Variants in CSMD1 observed in about 807,000 individuals in gnomAD.
CSMD1 encodes CUB and sushi domain-containing protein 1.
In CSMD1, 213 loss-of-function variants were observed where a neutral mutation model predicts 417.5. The ratio of observed to expected loss-of-function variants is 0.51; its 90% CI spans 0.46 to 0.57. The LOEUF (loss-of-function observed/expected upper bound fraction) is 0.57. Ranked by LOEUF, CSMD1 falls within the 20% of genes least tolerant of loss-of-function variation. The pLI, the probability that CSMD1 is intolerant of heterozygous loss-of-function variation, is 0.00. For missense variants in CSMD1, 6,923 were observed against 4,529.7 expected, an observed-to-expected ratio of 1.53 and a Z score of -15.17; for synonymous variants, 2,862 against 1,736.8, an observed-to-expected ratio of 1.65 and a Z score of -16.11.
In CSMD1 at chr8:2,963,354, C is replaced by A. The variant is rs1199115898; in HGVS notation, c.9322G>T (p.Val3108Leu). The change falls in exon 60 of 70, where the codon GTG (valine) becomes TTG (leucine). Residue 3108 changes from valine to leucine, a missense_variant. By Grantham distance (32) the Val-to-Leu change is conservative. Coordinates refer to ENST00000635120, the MANE Select transcript of CSMD1 (RefSeq NM_033225.6). ...CCCCAGCGGAAATCACTTCCCTCCA[C>A]TGTTCCATTCTGCACCGGCGGCGGC... is the stretch of plus-strand genomic sequence containing the variant. ...PQPPPVQNGT[V>L]EGSDFRWGSS... 3 of 1,613,866 alleles carry A rather than the reference C, an allele frequency of 1.9e-6. No individual in the cohort carries two copies. The East Asian group carries it at 6.7e-5, about 36-fold the overall frequency.
chr8:3,981,796 G>C (rs763705642), intron 5 of CSMD1, among the ~76,000 whole-genome samples: 1 of 152,166 alleles, frequency 6.6e-6, no homozygotes, highest in Non-Finnish European at 1.5e-5. Flanking sequence ...CAAGAGAAGA[G>C]GCAGTTAGCA....
chr8:3,308,253 T>C, intron 24 of CSMD1, 59 bp downstream of exon 24: 1 of 1,328,260 alleles, frequency 7.5e-7, no homozygotes, highest in Non-Finnish European at 1.0e-6. Context: ...CAATGCAACA[T>C]GGTGCAAGCA....
intron 1 of CSMD1, among the ~76,000 whole-genome samples, chr8:4,846,135 T>G (rs929980693): frequency 6.6e-6 from 1 of 152,188 alleles, no homozygotes; most frequent in Non-Finnish European, 1.5e-5. Flanking sequence ...CTCATCTCTT[T>G]CTCCTGTCCT....
chr8:3,830,423 A>G (rs1310364190), intron 5 of CSMD1, among the ~76,000 whole-genome samples: 1 of 152,288 alleles, frequency 6.6e-6, no homozygotes, highest in South Asian at 2.1e-4. Context: ...CCCAGGTTCT[A>G]ATTATACGTT....
chr8:3,995,798 T>G (rs562473691), intron 5 of CSMD1, among the ~76,000 whole-genome samples: 1 of 152,202 alleles, frequency 6.6e-6, no homozygotes, highest in Non-Finnish European at 1.5e-5. Context: ...CGGCTAATCA[T>G]GGCTATTTGA....
At position 4,155,653 on chromosome 8, in the gene CSMD1, C is replaced by G. The variant is rs575495133; in HGVS notation, c.416-123554G>C. On this transcript the variant is annotated intron_variant, in intron 3 of 69. Coordinates refer to ENST00000635120, the MANE Select transcript of CSMD1 (RefSeq NM_033225.6). The stretch of plus-strand genomic sequence containing the variant: ...CTTGGTTAGCTGATGACATAATACA[C>G]ATTCAAAGAAACGTGACAGATTTTA... Among the ~76,000 whole-genome samples, 8 of 152,266 alleles carry G rather than the reference C, an allele frequency of 5.3e-5. No homozygotes were observed. In the East Asian group the frequency reaches 9.7e-4, roughly 18 times the overall value.
intron 10 of CSMD1, among the ~76,000 whole-genome samples, chr8:3,531,656 C>G (rs1224235009): frequency 6.6e-6 from 1 of 152,144 alleles, no homozygotes; most frequent in African/African-American, 2.4e-5. Context: ...GGAAGTAGAA[C>G]AAAAACTATT....
intron 1 of CSMD1, among the ~76,000 whole-genome samples, chr8:4,983,102 G>C (rs73497783): frequency 0.018 from 2,718 of 152,226 alleles, 67 homozygotes; most frequent in African/African-American, 0.062. Context: ...AGTATACAAA[G>C]AAAAACAGTC....
chr8:3,782,754 T>G (rs982004074), intron 5 of CSMD1, among the ~76,000 whole-genome samples: 4 of 152,182 alleles, frequency 2.6e-5, no homozygotes, highest in Admixed American at 2.6e-4. Flanking sequence ...ATAAGAACAG[T>G]ATGAATAGAG....
At position 3,729,312 on chromosome 8, in the gene CSMD1, G is replaced by A. The variant is rs566806267; in HGVS notation, c.932-20821C>T. On this transcript the variant is annotated intron_variant, in intron 6 of 69. Coordinates refer to ENST00000635120, the MANE Select transcript of CSMD1 (RefSeq NM_033225.6). ...ACAGGGCTCGTGCAGGGCAGATGCT[G>A]TCTGAGGGTGGGCTTCGGAGTGAGA... Among the ~76,000 whole-genome samples, 16 of 152,300 alleles carry A rather than the reference G, an allele frequency of 1.1e-4. No individual in the cohort carries two copies. The South Asian group carries it at 2.7e-3, about 26-fold the overall frequency.
At chr8:4,272,712 T>A (rs1357603050) in intron 3 of CSMD1, among the ~76,000 whole-genome samples, 1 of 152,286 alleles carries the variant, frequency 6.6e-6, no homozygotes, top group African/African-American at 2.4e-5. Context: ...ACATTTTCAT[T>A]CTGTAATTCT....
chr8:3,718,762 T>C (rs1371145190), intron 6 of CSMD1, among the ~76,000 whole-genome samples: 1 of 152,118 alleles, frequency 6.6e-6, no homozygotes, highest in Non-Finnish European at 1.5e-5. Flanking sequence ...TCATCTCACG[T>C]TTCCTTACCA....
At chr8:4,220,153 G>A (rs1800940098) in intron 3 of CSMD1, among the ~76,000 whole-genome samples, 3 of 152,072 alleles carry the variant, frequency 2.0e-5, no homozygotes, top group South Asian at 2.1e-4. Flanking sequence ...GTTTTGCCAT[G>A]TCGGCCAAGC....
intron 2 of CSMD1, among the ~76,000 whole-genome samples, chr8:4,594,868 C>A (rs1441758466): frequency 1.3e-5 from 2 of 152,176 alleles, no homozygotes; most frequent in Admixed American, 1.3e-4. Flanking sequence ...CTTCATCATG[C>A]TGAAGAGAAA....
intron 26 of CSMD1, among the ~76,000 whole-genome samples, chr8:3,246,475 A>G (rs1055136775): frequency 6.6e-6 from 1 of 151,560 alleles, no homozygotes; most frequent in African/African-American, 2.4e-5. Flanking sequence ...ATTTTTTTAA[A>G]TTTGTATTTT....
At chr8:3,327,635 A>G (rs1806620113) in intron 23 of CSMD1, among the ~76,000 whole-genome samples, 1 of 152,210 alleles carries the variant, frequency 6.6e-6, no homozygotes, top group Non-Finnish European at 1.5e-5. Flanking sequence ...TGGGAATAGT[A>G]AAGTTTGAGG....
intron 2 of CSMD1, among the ~76,000 whole-genome samples, chr8:4,563,709 C>T (rs1798455015): frequency 6.6e-6 from 1 of 152,148 alleles, no homozygotes; most frequent in Admixed American, 6.5e-5. Context: ...CTTTAATATG[C>T]AAATTGCAAC....
intron 16 of CSMD1, among the ~76,000 whole-genome samples, chr8:3,398,375 A>G (rs1365585057): frequency 1.3e-5 from 2 of 152,200 alleles, no homozygotes; most frequent in Non-Finnish European, 2.9e-5. Flanking sequence ...TTGTTCTAAG[A>G]GATTGTGCTA....
intron 3 of CSMD1, among the ~76,000 whole-genome samples, chr8:4,186,986 A>T (rs1045651052): frequency 6.6e-6 from 1 of 152,150 alleles, no homozygotes; most frequent in Non-Finnish European, 1.5e-5. Context: ...TGTCTCAAAA[A>T]AATATAAATA....
Sources: allele counts gnomAD v4.1 joint callset (sites outside exome capture counted in the v4.1 genomes callset), GRCh38; gene constraint gnomAD v4.1.1; transcripts MANE v1.5; gene names NCBI Gene and HGNC (gene_info 2026-07-23, HGNC 2026-07-21).